MICU3: variants seen among roughly 807,000 people sequenced by gnomAD.
The protein encoded by MICU3 is calcium uptake protein 3, mitochondrial.
In MICU3, 62 loss-of-function variants were observed where a neutral mutation model predicts 66.5. The ratio of observed to expected loss-of-function variants is 0.93; its 90% CI spans 0.76 to 1.15. The LOEUF (loss-of-function observed/expected upper bound fraction) is 1.15, where lower values mean the gene tolerates loss of function less well. MICU3 is among the 50% of genes most tolerant of loss of function. The pLI is 0.00. For synonymous variants in MICU3, 308 were observed against 240.7 expected (o/e 1.28, Z -2.59); for missense variants, 779 against 664.4 (o/e 1.17, Z -1.90).
At chr8:17,040,034 A>T (rs187106868) in intron 1 of MICU3, among the ~76,000 whole-genome samples, 5,863 of 148,192 alleles carry the variant, frequency 0.04, 170 homozygotes, top group Non-Finnish European at 0.059. Context: ...TAGCCTCCTG[A>T]GTAGCTGGGA....
At position 17,077,251 on chromosome 8, in the gene MICU3, T is replaced by C. The variant is rs4109733; in HGVS notation, c.568-532T>C. 2.0e-5 allele frequency among the ~76,000 whole-genome samples: 3 copies of C among 152,210 alleles called. No individual in the cohort carries two copies. In the South Asian group the frequency reaches 6.2e-4, roughly 32 times the overall value. On this transcript the variant is annotated intron_variant, in intron 3 of 14. Transcript: ENST00000318063. ...TACCCTTGTCTTTCTGCTTCATCCA[T>C]TGTTATCATTCTCTAAGTCACTAAC...
In MICU3 at chr8:17,120,502, A is replaced by G. The variant is rs1251262989; in HGVS notation, c.*215A>G. ...TACAAATGTTATATATATAAAATCA[A>G]GTTGAGCTTTGCCTTGATTTGCTGA... On this transcript the variant is annotated 3_prime_UTR_variant, in exon 15 of 15. Coordinates refer to ENST00000318063, the MANE Select transcript of MICU3 (RefSeq NM_181723.3). The G allele has an allele frequency of 2.0e-5, 3 of 152,114 alleles. No individual in the cohort carries two copies. Among genetic ancestry groups the G allele is most frequent in the Non-Finnish European group, 4.4e-5 (3 of 67,958 alleles). The allele number at this position is 152,114 out of a possible 1,614,324, so 9.4% of individuals were successfully genotyped here. A position where few individuals can be genotyped will look rare whatever the true frequency, so the allele number is the denominator to read the frequency against.
At chr8:17,066,374 T>G (rs963257281) in intron 2 of MICU3, among the ~76,000 whole-genome samples, 1 of 151,598 alleles carries the variant, frequency 6.6e-6, no homozygotes, top group Non-Finnish European at 1.5e-5. Context: ...CAAGGTAGAA[T>G]ATGGTTACCT....
At chr8:17,027,766 G>T (rs1425196572) in intron 1 of MICU3, 106 bp downstream of exon 1, 2 of 1,218,680 alleles carry the variant, frequency 1.6e-6, no homozygotes, top group Non-Finnish European at 1.0e-6. Context: ...GTGGCCGCGG[G>T]TGAGGAACTT....
intron 1 of MICU3, among the ~76,000 whole-genome samples, chr8:17,030,167 T>A (rs915591339): frequency 8.5e-5 from 13 of 152,240 alleles, no homozygotes; most frequent in Admixed American, 7.2e-4. Context: ...TTGTTTTGCC[T>A]TCTAAGGATA....
chr8:17,126,165 A>T (rs200419461), downstream of MICU3, among the ~76,000 whole-genome samples: 2 of 151,900 alleles, frequency 1.3e-5, no homozygotes, highest in Non-Finnish European at 2.9e-5. Context: ...CTTCCTAAAC[A>T]GTTTCAATCA....
chr8:17,032,527 T>A (rs1455560113), intron 1 of MICU3, among the ~76,000 whole-genome samples: 1 of 152,240 alleles, frequency 6.6e-6, no homozygotes, highest in East Asian at 1.9e-4. Context: ...AGTGGAAAAC[T>A]AGTTAGACAA....
At chr8:17,117,389 G>A (rs1022061858) in intron 13 of MICU3, among the ~76,000 whole-genome samples, 22 of 151,812 alleles carry the variant, frequency 1.4e-4, no homozygotes, top group Admixed American at 2.0e-4. Context: ...TTTTTTTATC[G>A]AAATCTTACA....
chr8:17,032,804 C>T (rs760962692), intron 1 of MICU3, among the ~76,000 whole-genome samples: 7 of 152,162 alleles, frequency 4.6e-5, no homozygotes, highest in Non-Finnish European at 8.8e-5. Flanking sequence ...TCAGTTGGCA[C>T]CATTTTTCCA....
chr8:17,072,774 T>C (rs1375486276), intron 3 of MICU3, among the ~76,000 whole-genome samples: 1 of 152,154 alleles, frequency 6.6e-6, no homozygotes, highest in Non-Finnish European at 1.5e-5. Flanking sequence ...ATTAAACCAA[T>C]GATACGATAC....
intron 12 of MICU3, among the ~76,000 whole-genome samples, chr8:17,115,046 G>A (rs1397943613): frequency 1.3e-5 from 2 of 150,726 alleles, no homozygotes; most frequent in East Asian, 2.0e-4. Context: ...GTGAACCCGG[G>A]AGGCGGAGCT....
At chr8:17,108,881 C>G (rs1035196397) in intron 11 of MICU3, among the ~76,000 whole-genome samples, 3 of 152,148 alleles carry the variant, frequency 2.0e-5, no homozygotes, top group Admixed American at 6.5e-5. Context: ...GACCTCACTT[C>G]CTATATTCTG....
intron 1 of MICU3, among the ~76,000 whole-genome samples, chr8:17,043,757 A>G (rs536952610): frequency 1.3e-5 from 2 of 152,348 alleles, no homozygotes; most frequent in South Asian, 2.1e-4. Context: ...TGCTTTGTTG[A>G]TGAACATAAA....
At chr8:17,061,843 G>A (rs1817875079) in intron 1 of MICU3, among the ~76,000 whole-genome samples, 1 of 152,206 alleles carries the variant, frequency 6.6e-6, no homozygotes, top group South Asian at 2.1e-4. Context: ...TCAGGGAGAT[G>A]ATTGCTCGTT....
At chr8:17,064,580 C>T (rs974759116) in intron 2 of MICU3, among the ~76,000 whole-genome samples, 1 of 152,146 alleles carries the variant, frequency 6.6e-6, no homozygotes, top group Admixed American at 6.6e-5. Context: ...AGAATTCTAC[C>T]TGTATCTCTT....
chr8:17,087,307 CA>C (rs1157478120), intron 7 of MICU3, among the ~76,000 whole-genome samples: 1 of 151,702 alleles, frequency 6.6e-6, no homozygotes, highest in African/African-American at 2.4e-5. Context: ...GTATATCATA[CA>C]ATAGATTAAT....
downstream of MICU3, chr8:17,122,703 T>G (rs375077637): frequency 1.3e-5 from 2 of 152,048 alleles, no homozygotes. Flanking sequence ...AAATGTAACC[T>G]TCAAACTTTG....
the MICU3 span, chr8:17,131,321 G>A: frequency 6.6e-6 from 1 of 152,346 alleles, no homozygotes; most frequent in African/African-American, 2.4e-5. Context: ...TTGATTCACT[G>A]GATAGTGGAG....
At chr8:17,035,555 G>A (rs1812824982) in intron 1 of MICU3, among the ~76,000 whole-genome samples, 1 of 152,216 alleles carries the variant, frequency 6.6e-6, no homozygotes, top group Admixed American at 6.5e-5. Context: ...TTAGCAAAGA[G>A]ACTAGTGGCA....
Sources: gnomAD v4.1 joint callset for allele counts (sites outside exome capture counted in the v4.1 genomes callset) on GRCh38, gnomAD v4.1.1 for gene constraint, MANE v1.5 for transcripts, NCBI Gene and HGNC (gene_info 2026-07-23, HGNC 2026-07-21) for gene names.